ZBED4: variants seen among roughly 807,000 people sequenced by gnomAD.
ZBED4 encodes the protein zinc finger BED domain-containing protein 4.
A neutral mutation model predicts 15.5 loss-of-function variants in ZBED4; 4 were observed. That is an observed-to-expected ratio of 0.26 (90% CI 0.13 to 0.59). The LOEUF (loss-of-function observed/expected upper bound fraction) is 0.59. ZBED4 is among the 20% of genes least tolerant of loss of function. The probability of loss-of-function intolerance (pLI) is 0.90; values close to 1 mark genes in which losing one functional copy is unlikely to be tolerated. For missense variants in ZBED4, 1,323 were observed against 1,461.8 expected (o/e 0.91, Z 1.55); for synonymous variants, 692 against 608.5 (o/e 1.14, Z -2.02).
In ZBED4 at chr22:49,885,835, A is replaced by G. The variant is rs762399282; in HGVS notation, c.2173A>G (p.Ser725Gly). The G allele has an allele frequency of 6.5e-7, 1 of 1,539,176 alleles. No homozygotes were observed. Among genetic ancestry groups the G allele is most frequent in the Non-Finnish European group, 9.0e-7 (1 of 1,112,250 alleles). Residue 725 changes from serine to glycine, a missense_variant, in exon 2 of 2, where the codon AGT (serine) becomes GGT (glycine). Ser to Gly is a moderately conservative substitution (Grantham distance 56). Transcript: ENST00000216268. ...TATGTCCCACCTTAAGGAAGCTGAG[A>G]GTGGTGTGATCCACTTCACGTCTGG... ...IIMSHLKEAE[S>G]GVIHFTSGIW...
chr22:49,853,633 C>G (rs1326807021), upstream of ZBED4, among the ~76,000 whole-genome samples: 2 of 152,044 alleles, frequency 1.3e-5, no homozygotes, highest in Non-Finnish European at 2.9e-5. Flanking sequence ...CCCTCCTGGA[C>G]CCGGGGGCGG....
chr22:49,881,959 T>C (rs1431873924), intron 1 of ZBED4, among the ~76,000 whole-genome samples: 1 of 152,206 alleles, frequency 6.6e-6, no homozygotes, highest in Non-Finnish European at 1.5e-5. Context: ...TTGGAACACT[T>C]TTTAGGGCAA....
chr22:49,872,417 C>G (rs928429065), intron 1 of ZBED4, among the ~76,000 whole-genome samples: 20 of 152,204 alleles, frequency 1.3e-4, no homozygotes, highest in African/African-American at 4.8e-4. Context: ...CAGTCACTTC[C>G]TCCATTGAAG....
In ZBED4 at chr22:49,885,039, G is replaced by A. The variant is rs780762652; in HGVS notation, c.1377G>A (p.Ser459=). ...AAAAGGTCATGAAAAGACTGAAGTC[G>A]GAGGTCTGGCATCACTTCTCCCTGG... ...QNKKVMKRLK[S]EVWHHFSLAP... The change falls in exon 2 of 2, where the codon TCG becomes TCA. Residue 459 remains serine, a synonymous_variant. Coordinates refer to ENST00000216268, the MANE Select transcript of ZBED4 (RefSeq NM_014838.3). 4.0e-5 allele frequency: 65 copies of A among 1,612,294 alleles called. No individual in the cohort carries two copies. The highest frequency in any genetic ancestry group is 5.0e-5 in the Non-Finnish European group (59 of 1,179,178).
chr22:49,881,835 GTTAA>G (rs1441062237), intron 1 of ZBED4, among the ~76,000 whole-genome samples: 1 of 152,080 alleles, frequency 6.6e-6, no homozygotes, highest in Non-Finnish European at 1.5e-5. Context: ...CCTGGCCTGT[GTTAA>G]TTTTTTATTT....
Position 49,885,367 on chromosome 22 carries a change from A to C in ZBED4, c.1705A>C (p.Ile569Leu). Residue 569 changes from isoleucine to leucine, a missense_variant, in exon 2 of 2, where the codon ATT becomes CTT. Coordinates refer to ENST00000216268, the MANE Select transcript of ZBED4 (RefSeq NM_014838.3). ...CTCGAAGCTGTGGAATCATTTTTCTATTTGCTCCGCAGACTCCACAAAAGT... is the reference window on the plus strand; with the variant it reads ...CTCGAAGCTGTGGAATCATTTTTCTCTTTGCTCCGCAGACTCCACAAAAGT... ...KTSKLWNHFSICSADSTKVVC... is the reference protein window; with the variant it reads ...KTSKLWNHFSLCSADSTKVVC... 1.3e-6 allele frequency: 2 copies of C among 1,587,014 alleles called. No homozygotes were observed. The highest frequency in any genetic ancestry group is 8.6e-7 in the Non-Finnish European group (1 of 1,164,018).
Position 49,883,662 on chromosome 22 carries a change from C to A in ZBED4, c.-1C>A. On this transcript the variant is annotated 5_prime_UTR_variant, in exon 2 of 2. Transcript: ENST00000216268. ...TACAGCCGGAGTAGTTATGGTCAGT[C>A]ATGGAGAATAACTTGAAAACTTGTC... is the stretch of plus-strand genomic sequence containing the variant. 3 of 1,570,880 alleles carry A rather than the reference C, an allele frequency of 1.9e-6. No individual in the cohort carries two copies. The highest frequency in any genetic ancestry group is 2.4e-5 in the South Asian group (2 of 84,878).
chr22:49,864,394 G>A (rs1224974337), intron 1 of ZBED4, among the ~76,000 whole-genome samples: 1 of 152,154 alleles, frequency 6.6e-6, no homozygotes, highest in Non-Finnish European at 1.5e-5. Flanking sequence ...TTTTGCCTAA[G>A]TCTTCCCATT....
At chr22:49,855,295 A>G (rs2060270337) in intron 1 of ZBED4, among the ~76,000 whole-genome samples, 1 of 152,170 alleles carries the variant, frequency 6.6e-6, no homozygotes, top group South Asian at 2.1e-4. Flanking sequence ...ATCTATATGG[A>G]AAGAAACCTA....
Position 49,877,120 on chromosome 22 carries a change from AT to A in ZBED4, c.-329-6206del, listed in dbSNP as rs200771676. Among the ~76,000 whole-genome samples the A allele has an allele frequency of 6.8e-3, 1,031 of 152,108 alleles. 9 individuals are homozygous for A. Among genetic ancestry groups the A allele is most frequent in the African/African-American group, 0.023 (964 of 41,490 alleles). On this transcript the variant is annotated intron_variant, in intron 1 of 1. Transcript: ENST00000216268. The stretch of plus-strand genomic sequence containing the variant: ...AAATGAACGCTGGCAGTGAGCTGCA[AT>A]TTTTTTTCCTAAACGAGAAAAAGAT...
chr22:49,882,447 T>C (rs2060414164), intron 1 of ZBED4, among the ~76,000 whole-genome samples: 1 of 152,160 alleles, frequency 6.6e-6, no homozygotes, highest in Non-Finnish European at 1.5e-5. Flanking sequence ...TTTTCTAGAG[T>C]CTGGTTTTAT....
intron 1 of ZBED4, among the ~76,000 whole-genome samples, chr22:49,862,591 T>C (rs1008413652): frequency 6.6e-6 from 1 of 151,046 alleles, no homozygotes; most frequent in Non-Finnish European, 1.5e-5. Context: ...CCCCAGCCCC[T>C]CCCAGCAGAG....
At position 49,887,223 on chromosome 22, in the gene ZBED4, G is replaced by A. The variant is rs761535367; in HGVS notation, c.*45G>A. 13 of 1,558,008 alleles carry A rather than the reference G, an allele frequency of 8.3e-6. No homozygotes were observed. In the South Asian group the frequency reaches 1.1e-4, roughly 13 times the overall value. ...AGGCCAGAGGCGTGGCTGCCCCAGC[G>A]TTAGCAGCCTGTACCAGGTCTATGA... is the stretch of plus-strand genomic sequence containing the variant. On this transcript the variant is annotated 3_prime_UTR_variant, in exon 2 of 2. Transcript: ENST00000216268.
Position 49,879,500 on chromosome 22 carries a change from C to A in ZBED4, c.-329-3834C>A, listed in dbSNP as rs547794891. Among the ~76,000 whole-genome samples the A allele has an allele frequency of 4.0e-5, 6 of 151,802 alleles. No homozygotes were observed. In the East Asian group the frequency reaches 6.0e-4, roughly 15 times the overall value. ...GCACACACCACTATATCCGCTCTTA[C>A]AATAGCTGTTTTCATGTCCTTGTCC... On this transcript the variant is annotated intron_variant, in intron 1 of 1. Transcript: ENST00000216268.
At chr22:49,867,222 T>C (rs1327304063) in intron 1 of ZBED4, among the ~76,000 whole-genome samples, 1 of 152,218 alleles carries the variant, frequency 6.6e-6, no homozygotes, top group Non-Finnish European at 1.5e-5. Context: ...ATTTCTTTCT[T>C]TTGCTTTATA....
intron 1 of ZBED4, among the ~76,000 whole-genome samples, chr22:49,876,967 G>C (rs945687441): frequency 5.9e-5 from 9 of 152,172 alleles, no homozygotes; most frequent in African/African-American, 1.4e-4. Flanking sequence ...AGATGATTCT[G>C]ATGATTCAGA....
At chr22:49,870,698 A>C (rs2060342539) in intron 1 of ZBED4, among the ~76,000 whole-genome samples, 1 of 152,102 alleles carries the variant, frequency 6.6e-6, no homozygotes, top group East Asian at 1.9e-4. Flanking sequence ...AGCTTCTTAT[A>C]GATTCTGGAT....
Position 49,887,473 on chromosome 22 carries a change from A to T in ZBED4, c.*295A>T, listed in dbSNP as rs1569166630. ...AAGTTTTTTAAAGTTTTGGGTTAGT[A>T]ATTTGTTTTACTAGAATGACAAAGA... On this transcript the variant is annotated 3_prime_UTR_variant, in exon 2 of 2. Coordinates refer to ENST00000216268, the MANE Select transcript of ZBED4 (RefSeq NM_014838.3). The T allele has an allele frequency of 3.5e-6, 1 of 283,496 alleles. No homozygotes were observed. The allele number at this position is 283,496 out of a possible 1,614,324, so 17.6% of individuals were successfully genotyped here.
chr22:49,868,314 A>T (rs1024789471), intron 1 of ZBED4, among the ~76,000 whole-genome samples: 1 of 152,222 alleles, frequency 6.6e-6, no homozygotes, highest in African/African-American at 2.4e-5. Flanking sequence ...TCAAATGAAT[A>T]AAATAACTAC....
Sources: gnomAD v4.1 joint callset for allele counts (sites outside exome capture counted in the v4.1 genomes callset) on GRCh38, gnomAD v4.1.1 for gene constraint, MANE v1.5 for transcripts, NCBI Gene and HGNC (gene_info 2026-07-23, HGNC 2026-07-21) for gene names.